Variants in DEGS1 observed in about 807,000 individuals in gnomAD.
The protein encoded by DEGS1 is sphingolipid delta(4)-desaturase DES1.
DEGS1 carries 17 observed loss-of-function variants against 24.1 expected under a neutral mutation model. That is an observed-to-expected ratio of 0.70 (90% confidence interval 0.48 to 1.06). The LOEUF is 1.06. Ranked by LOEUF, DEGS1 falls within the 50% of genes least tolerant of loss-of-function variation. The pLI, the probability that DEGS1 is intolerant of heterozygous loss-of-function variation, is 0.00. For synonymous variants in DEGS1, 134 were observed against 140.0 expected, an observed-to-expected ratio of 0.96 and a Z score of 0.30; for missense variants, 366 against 408.9, an observed-to-expected ratio of 0.90 and a Z score of 0.91.
At chr1:224,190,538 A>G (rs1197296239) in intron 2 of DEGS1, among the ~76,000 whole-genome samples, 1 of 150,206 alleles carries the variant, frequency 6.7e-6, no homozygotes, top group African/African-American at 2.5e-5. Flanking sequence ...TTGTATTTTT[A>G]GTAGAGATGG....
At position 224,190,294 on chromosome 1, in the gene DEGS1, A is replaced by C. The variant is rs61732863; in HGVS notation, c.800A>C (p.Asn267Thr). Residue 267 changes from asparagine to threonine, a missense_variant, in exon 2 of 3, where the codon AAC becomes ACC. By Grantham distance (65) the Asn-to-Thr change is moderately conservative (BLOSUM62 0). Transcript: ENST00000323699. The part of the protein sequence containing the change: ...GYHNEHHDFP[N>T]IPGKSLPLVR... ...CATAATGAACATCATGATTTCCCCA[A>C]CATTCCTGGAAAAAGTCTTCCACTG... 1 of 1,490,960 alleles carries C rather than the reference A, an allele frequency of 6.7e-7. No homozygotes were observed. The highest frequency in any genetic ancestry group is 8.9e-7 in the Non-Finnish European group (1 of 1,122,656). 92.4% of individuals were successfully genotyped at this position (1,490,960 alleles called of 1,614,324 possible).
At chr1:224,187,295 G>A (rs555472770) in intron 1 of DEGS1, among the ~76,000 whole-genome samples, 2 of 151,762 alleles carry the variant, frequency 1.3e-5, no homozygotes, top group Non-Finnish European at 2.9e-5. Flanking sequence ...GCAACAGAGC[G>A]AGACTCCGTC....
intron 2 of DEGS1, among the ~76,000 whole-genome samples, chr1:224,191,339 G>A (rs11810089): frequency 0.44 from 66,690 of 150,178 alleles, 15,972 homozygotes; most frequent in Non-Finnish European, 0.54. Flanking sequence ...GCAGTGAGCC[G>A]AGATTGTGCC....
chr1:224,183,304 C>T lies in DEGS1; in HGVS notation c.-33C>T. On this transcript the variant is annotated 5_prime_UTR_variant, in exon 1 of 3. Coordinates refer to ENST00000323699, the MANE Select transcript of DEGS1 (RefSeq NM_003676.4). ...CTGAGCAGCCGGCTGGGAGCGAGAG[C>T]CGACAGCTAGTCTGCAAGCCACCGC... 6.8e-7 allele frequency: 1 copy of T among 1,469,626 alleles called. No homozygotes were observed. The allele number at this position is 1,469,626 out of a possible 1,614,324, so 91.0% of individuals were successfully genotyped here.
intron 1 of DEGS1, among the ~76,000 whole-genome samples, 198 bp from the exon 2 acceptor site, chr1:224,189,376 AATT>A (rs1658475085): frequency 1.3e-5 from 2 of 152,198 alleles, no homozygotes; most frequent in Admixed American, 6.6e-5. Flanking sequence ...TAAATTCTCA[AATT>A]ATTGTGACAT....
chr1:224,192,264 T>G (rs1017876813), intron 2 of DEGS1, 68 bp from the exon 3 acceptor site: 1 of 1,392,794 alleles, frequency 7.2e-7, no homozygotes, highest in African/African-American at 1.5e-5. Context: ...TGTCAACCAT[T>G]CATCAGTCAT....
At chr1:224,188,555 AGGT>A (rs1658452264) in intron 1 of DEGS1, among the ~76,000 whole-genome samples, 1 of 152,100 alleles carries the variant, frequency 6.6e-6, no homozygotes, top group Admixed American at 6.6e-5. Context: ...AGTGAGTGTG[AGGT>A]GGTATCTATG....
At chr1:224,183,617 G>A (rs1052432009) in intron 1 of DEGS1, 199 bp downstream of exon 1, 11 of 365,168 alleles carry the variant, frequency 3.0e-5, no homozygotes, top group Non-Finnish European at 4.7e-5. Flanking sequence ...GGGGAGGGAC[G>A]GGTCCTCGGA....
At position 224,193,279 on chromosome 1, in the gene DEGS1, G is replaced by T. The variant is rs1658593190; in HGVS notation, c.*801G>T. 6.6e-6 allele frequency: 1 copy of T among 152,104 alleles called. No homozygotes were observed. Among genetic ancestry groups the T allele is most frequent in the South Asian group, 2.1e-4 (1 of 4,834 alleles). 9.4% of individuals were successfully genotyped at this position (152,104 alleles called of 1,614,324 possible). On this transcript the variant is annotated 3_prime_UTR_variant, in exon 3 of 3. Transcript: ENST00000323699. ...CAAAAATAATTTTTAAAAAGCCTGA[G>T]GTATGATATAGCATAAAAGATTGAG...
chr1:224,189,133 C>A (rs1048310877), intron 1 of DEGS1, among the ~76,000 whole-genome samples: 2 of 152,132 alleles, frequency 1.3e-5, no homozygotes, highest in African/African-American at 4.8e-5. Context: ...TGGGAAAATT[C>A]AGTACAGAAT....
At chr1:224,185,049 ATTCCTTATAT>A (rs1658344989) in intron 1 of DEGS1, among the ~76,000 whole-genome samples, 1 of 151,854 alleles carries the variant, frequency 6.6e-6, no homozygotes, top group Admixed American at 6.6e-5. Context: ...ATGAGCAATT[ATTCCTTATAT>A]ATAGTATTTC....
chr1:224,189,525 T>C (rs2102655793), intron 1 of DEGS1, 52 bp from the exon 2 acceptor site: 1 of 1,329,046 alleles, frequency 7.5e-7, no homozygotes, highest in Non-Finnish European at 1.0e-6. Context: ...TTATAATTGG[T>C]GAACTATTAC....
In DEGS1 at chr1:224,190,202, C is replaced by G. The variant is rs146461576; in HGVS notation, c.708C>G (p.Phe236Leu). ...SGHFIAEHYM[F>L]LKGHETYSYY... ...ATTTTATAGCTGAGCATTACATGTT[C>G]TTAAAGGGTCATGAAACTTACTCAT... Residue 236 changes from phenylalanine (F) to leucine (L), a missense_variant, in exon 2 of 3, where the codon TTC becomes TTG. Physicochemically the swap from Phe to Leu is conservative, Grantham distance 22. Transcript: ENST00000323699. 245 of 1,541,886 alleles carry G rather than the reference C, an allele frequency of 1.6e-4. No individual in the cohort carries two copies. The highest frequency in any genetic ancestry group is 1.2e-3 in the Admixed American group (56 of 47,338).
intron 2 of DEGS1, among the ~76,000 whole-genome samples, chr1:224,190,605 A>C (rs1658512679): frequency 6.6e-6 from 1 of 151,752 alleles, no homozygotes; most frequent in South Asian, 2.1e-4. Context: ...TCATTAAAAA[A>C]AAAAAAAACA....
Position 224,183,255 on chromosome 1 carries a change from G to A in DEGS1, c.-82G>A, listed in dbSNP as rs996302558. On this transcript the variant is annotated 5_prime_UTR_variant, in exon 1 of 3. Coordinates refer to ENST00000323699, the MANE Select transcript of DEGS1 (RefSeq NM_003676.4). ...GCCGGCCGACACCACACCAGCCGGG[G>A]AGCCGCCGCCGCCGCCGCCACCTCT... The A allele has an allele frequency of 1.5e-6, 2 of 1,297,650 alleles. No individual in the cohort carries two copies. Among genetic ancestry groups the A allele is most frequent in the African/African-American group, 1.5e-5 (1 of 64,564 alleles). 80.4% of individuals were successfully genotyped at this position (1,297,650 alleles called of 1,614,324 possible).
intron 1 of DEGS1, among the ~76,000 whole-genome samples, chr1:224,185,257 C>T (rs1658350936): frequency 6.6e-6 from 1 of 152,086 alleles, no homozygotes; most frequent in Non-Finnish European, 1.5e-5. Flanking sequence ...TCCCAAAGTG[C>T]TGGGATTTTA....
In DEGS1 at chr1:224,192,546, A is replaced by G. The variant is rs941545335; in HGVS notation, c.*68A>G. On this transcript the variant is annotated 3_prime_UTR_variant, in exon 3 of 3. Coordinates refer to ENST00000323699, the MANE Select transcript of DEGS1 (RefSeq NM_003676.4). Reference sequence around the variant, plus strand: ...GATAAAATGGAATTTTTGCATTATTAAACTTGAGACCAGTGATGCTCAGAA... The same window carrying G: ...GATAAAATGGAATTTTTGCATTATTGAACTTGAGACCAGTGATGCTCAGAA... 4 of 1,488,148 alleles carry G rather than the reference A, an allele frequency of 2.7e-6. No individual in the cohort carries two copies. The highest frequency in any genetic ancestry group is 3.6e-6 in the Non-Finnish European group (4 of 1,096,640). The allele number at this position is 1,488,148 out of a possible 1,614,324, so 92.2% of individuals were successfully genotyped here. A position where few individuals can be genotyped will look rare whatever the true frequency, so the allele number is the denominator to read the frequency against.
rs1483737204 is a variant in DEGS1, at chr1:224,189,650, C to T, written c.156C>T (p.Leu52=). Residue 52 remains leucine (L), a synonymous_variant, in exon 2 of 3, where the codon CTC becomes CTT. Coordinates refer to ENST00000323699, the MANE Select transcript of DEGS1 (RefSeq NM_003676.4). The part of the protein sequence containing the change: ...NLIWIIIMMV[L]TQLGAFYIVK... Reference sequence around the variant, plus strand: ...TATGGATTATAATTATGATGGTTCTCACCCAGTTGGGTGCATTTTACATAG... The same window carrying T: ...TATGGATTATAATTATGATGGTTCTTACCCAGTTGGGTGCATTTTACATAG... 2 of 1,613,696 alleles carry T rather than the reference C, an allele frequency of 1.2e-6. No homozygotes were observed. The highest frequency in any genetic ancestry group is 8.5e-7 in the Non-Finnish European group (1 of 1,179,754).
rs377362966 is a variant in DEGS1, at chr1:224,189,858, A to G, written c.364A>G (p.Ile122Val). ...TCTTCCTATTGGGATTCCATATTCA[A>G]TTTCCTTTAAGAGGTATCACATGGA... is the stretch of plus-strand genomic sequence containing the variant. ...ANLPIGIPYS[I>V]SFKRYHMDHH... The change falls in exon 2 of 3, where the codon ATT becomes GTT. Residue 122 changes from isoleucine (I) to valine (V), a missense_variant. Ile to Val is a conservative substitution (Grantham distance 29). Transcript: ENST00000323699. The G allele has an allele frequency of 7.4e-5, 120 of 1,614,158 alleles. No individual in the cohort carries two copies. The highest frequency in any genetic ancestry group is 3.5e-4 in the South Asian group (32 of 91,084).
Sources: allele counts gnomAD v4.1 joint callset (sites outside exome capture counted in the v4.1 genomes callset), GRCh38; gene constraint gnomAD v4.1.1; transcripts MANE v1.5; gene names NCBI Gene and HGNC (gene_info 2026-07-23, HGNC 2026-07-21).